Variants in SLC44A5 observed in about 807,000 individuals in gnomAD.
SLC44A5 encodes solute carrier family 44 member 5, also known as choline transporter-like protein 5.
A neutral mutation model predicts 101.8 loss-of-function variants in SLC44A5; 57 were observed. That is an observed-to-expected ratio of 0.56 (90% CI 0.45 to 0.70). The LOEUF (loss-of-function observed/expected upper bound fraction) is 0.70, where lower values mean the gene tolerates loss of function less well. Among genes scored for constraint, SLC44A5 ranks in the 30% least tolerant of loss-of-function variants. SLC44A5 has a pLI of 0.00. For synonymous variants in SLC44A5, 281 were observed against 290.9 expected (o/e 0.97, Z 0.35); for missense variants, 737 against 853.1 (o/e 0.86, Z 1.70).
the SLC44A5 span, among the ~76,000 whole-genome samples, chr1:75,687,797 G>A: frequency 6.6e-6 from 1 of 151,966 alleles, no homozygotes; most frequent in Admixed American, 6.6e-5. Flanking sequence ...TCTTGCAATC[G>A]TGTCAAGATC....
At chr1:75,716,798 G>A in the SLC44A5 span, among the ~76,000 whole-genome samples, 1 of 152,072 alleles carries the variant, frequency 6.6e-6, no homozygotes, top group Non-Finnish European at 1.5e-5. Flanking sequence ...TTAGGAGGCT[G>A]AGGTGGGCAG....
intron 6 of SLC44A5, among the ~76,000 whole-genome samples, chr1:75,269,073 T>C (rs189158129): frequency 6.6e-6 from 1 of 152,214 alleles, no homozygotes; most frequent in Admixed American, 6.5e-5. Context: ...AATGAGGCGA[T>C]TTTTTCTCCT....
At chr1:75,251,148 A>T in intron 7 of SLC44A5, 62 bp downstream of exon 7, 1 of 1,342,770 alleles carries the variant, frequency 7.4e-7, no homozygotes, top group Non-Finnish European at 1.1e-6. Flanking sequence ...GAATTTCTCA[A>T]TTCTTTTATC....
the SLC44A5 span, among the ~76,000 whole-genome samples, chr1:75,680,095 C>G: frequency 2.0e-5 from 3 of 152,178 alleles, no homozygotes; most frequent in Non-Finnish European, 2.9e-5. Flanking sequence ...AATACAGGAG[C>G]ACCCAGATTC....
At chr1:75,474,625 C>G (rs879846219) in intron 2 of SLC44A5, among the ~76,000 whole-genome samples, 1 of 152,066 alleles carries the variant, frequency 6.6e-6, no homozygotes, top group Non-Finnish European at 1.5e-5. Context: ...ATTAGTAGTC[C>G]AAGTTAATTG....
intron 10 of SLC44A5, 68 bp from the exon 11 acceptor site, chr1:75,237,138 G>T: frequency 1.1e-6 from 1 of 919,504 alleles, no homozygotes; most frequent in South Asian, 1.6e-5. Flanking sequence ...TTCTTTTTAT[G>T]ATAAAAGGGA....
At chr1:75,255,479 A>T (rs142569403) in intron 6 of SLC44A5, among the ~76,000 whole-genome samples, 1,748 of 151,982 alleles carry the variant, frequency 0.012, 17 homozygotes, top group South Asian at 0.028. Context: ...GGAAAAAATT[A>T]AGAAATTCTA....
intron 12 of SLC44A5, among the ~76,000 whole-genome samples, chr1:75,231,017 G>T (rs1451295842): frequency 6.6e-6 from 1 of 152,174 alleles, no homozygotes; most frequent in East Asian, 1.9e-4. Context: ...TTTCTTGCAG[G>T]TCAGGTAGTC....
chr1:75,393,911 C>T (rs545699207), intron 3 of SLC44A5, among the ~76,000 whole-genome samples: 1 of 152,170 alleles, frequency 6.6e-6, no homozygotes, highest in Admixed American at 6.5e-5. Flanking sequence ...GGAAGGTAGA[C>T]ACAAGAGCAG....
In SLC44A5 at chr1:75,426,892, G is replaced by A. The variant is rs554731621; in HGVS notation, c.14-30271C>T. 1.3e-5 allele frequency among the ~76,000 whole-genome samples: 2 copies of A among 152,308 alleles called. 1 individual carries two copies. The highest frequency in any genetic ancestry group is 4.1e-4 in the South Asian group (2 of 4,822). On this transcript the variant is annotated intron_variant, in intron 2 of 23. Transcript: ENST00000370859. ...GTGCAGTGGCAGCATCCTTGCCAGC[G>A]GGACAAGCTGCAGCGTCCATCTTTC...
the SLC44A5 span, among the ~76,000 whole-genome samples, chr1:75,716,684 C>G: frequency 6.6e-6 from 1 of 152,124 alleles, no homozygotes; most frequent in Admixed American, 6.5e-5. Context: ...GCATTATTCA[C>G]AACAGAAAAG....
intron 13 of SLC44A5, among the ~76,000 whole-genome samples, chr1:75,222,712 C>T (rs1420768406): frequency 6.6e-6 from 1 of 152,180 alleles, no homozygotes; most frequent in Non-Finnish European, 1.5e-5. Flanking sequence ...TCCATAAAAG[C>T]ATTTCACACA....
At chr1:75,492,917 A>C (rs965633582) in intron 2 of SLC44A5, among the ~76,000 whole-genome samples, 1 of 152,222 alleles carries the variant, frequency 6.6e-6, no homozygotes. Context: ...CAAATGTCCA[A>C]AGTTGGAACA....
the SLC44A5 span, among the ~76,000 whole-genome samples, chr1:75,679,729 A>T: frequency 6.6e-6 from 1 of 152,162 alleles, no homozygotes; most frequent in African/African-American, 2.4e-5. Context: ...ACCAGCTAAC[A>T]TCATAATGAC....
chr1:75,499,729 G>C (rs10158990), intron 2 of SLC44A5, among the ~76,000 whole-genome samples: 98,202 of 152,028 alleles, frequency 0.65, 32,048 homozygotes, highest in East Asian at 0.96. Flanking sequence ...TTTCAATACT[G>C]TATCATTTCA....
chr1:75,684,520 G>C, the SLC44A5 span, among the ~76,000 whole-genome samples: 1 of 151,966 alleles, frequency 6.6e-6, no homozygotes, highest in Middle Eastern at 3.2e-3. Flanking sequence ...TAGCTAAATT[G>C]GAGAAATTGG....
chr1:75,574,774 T>C (rs759601804), intron 1 of SLC44A5, among the ~76,000 whole-genome samples: 4 of 152,166 alleles, frequency 2.6e-5, no homozygotes, highest in Admixed American at 6.5e-5. Flanking sequence ...CTAAGTAATA[T>C]GAGAAAATTA....
the SLC44A5 span, among the ~76,000 whole-genome samples, chr1:75,621,567 C>T: frequency 1.3e-5 from 2 of 152,076 alleles, no homozygotes. Context: ...GTATTTTTGA[C>T]TGAAATATTT....
upstream of SLC44A5, among the ~76,000 whole-genome samples, chr1:75,612,545 C>T (rs1301423349): frequency 1.3e-5 from 2 of 152,160 alleles, no homozygotes; most frequent in Non-Finnish European, 2.9e-5. Context: ...ATCATTTGCT[C>T]GCACATCACT....
Sources: gnomAD v4.1 joint callset for allele counts (sites outside exome capture counted in the v4.1 genomes callset) on GRCh38, gnomAD v4.1.1 for gene constraint, MANE v1.5 for transcripts, NCBI Gene and HGNC (gene_info 2026-07-23, HGNC 2026-07-21) for gene names.